AP2B1: variants seen among roughly 807,000 people sequenced by gnomAD.
AP2B1 encodes adaptor related protein complex 2 subunit beta 1.
AP2B1 carries 23 observed loss-of-function variants against 102.0 expected under a neutral mutation model. The observed-to-expected ratio is 0.23, with a 90% CI of 0.16 to 0.32. The LOEUF (loss-of-function observed/expected upper bound fraction) is 0.32. Ranked by LOEUF, AP2B1 falls within the 10% of genes least tolerant of loss-of-function variation. The pLI is 1.00. For synonymous variants in AP2B1, 381 were observed against 421.2 expected (o/e 0.90, Z 1.17); for missense variants, 541 against 1,157.4 (o/e 0.47, Z 7.73).
Position 35,659,767 on chromosome 17 carries a change from C to T in AP2B1, c.1989+1976C>T. 3.1e-6 allele frequency: 3 copies of T among 983,446 alleles called. No individual in the cohort carries two copies. The African/African-American group carries it at 5.2e-5, about 17-fold the overall frequency. 60.9% of individuals were successfully genotyped at this position (983,446 alleles called of 1,614,324 possible). On this transcript the variant is annotated intron_variant, in intron 14 of 21. Coordinates refer to ENST00000610402, the MANE Select transcript of AP2B1 (RefSeq NM_001030006.2). ...AATGGTATCCTTGGTGTTACAGCCC[C>T]AGAAATTGTTTACAGTGCAGTTTTC...
chr17:35,592,512 C>G (rs1426076382), intron 1 of AP2B1, among the ~76,000 whole-genome samples: 2 of 151,920 alleles, frequency 1.3e-5, no homozygotes, highest in Non-Finnish European at 2.9e-5. Flanking sequence ...GCCACCATGC[C>G]TGAGCCACCG....
At chr17:35,609,555 G>A (rs1273649326) in intron 5 of AP2B1, among the ~76,000 whole-genome samples, 1 of 152,110 alleles carries the variant, frequency 6.6e-6, no homozygotes, top group Admixed American at 6.6e-5. Flanking sequence ...CACCGTGTTA[G>A]CCAGGATGGT....
At chr17:35,698,898 T>C (rs1022139650) in intron 18 of AP2B1, among the ~76,000 whole-genome samples, 5 of 152,228 alleles carry the variant, frequency 3.3e-5, no homozygotes, top group African/African-American at 1.2e-4. Context: ...CAAATGGTGA[T>C]TTTGACAGTT....
chr17:35,626,696 G>T lies in AP2B1; in HGVS notation c.792G>T (p.Met264Ile), dbSNP rs2074325238. ...TGCTTTCAGCGGTAAAAGTCCTAAT[G>T]AAGTTTCTAGAATTGTTACCTAAGG... ...AVVLSAVKVL[M>I]KFLELLPKDS... Residue 264 changes from methionine to isoleucine, a missense_variant, in exon 7 of 22, where the codon ATG becomes ATT. Physicochemically the swap from Met to Ile is conservative, Grantham distance 10. Around this residue, in one of 10 missense-constraint regions of AP2B1, gnomAD observed 134 missense variants for 250.2 expected, o/e 0.54. Transcript: ENST00000610402. 6.2e-7 allele frequency: 1 copy of T among 1,613,760 alleles called. No homozygotes were observed. Among genetic ancestry groups the T allele is most frequent in the Non-Finnish European group, 8.5e-7 (1 of 1,179,964 alleles).
chr17:35,663,496 A>G (rs1295573095), intron 14 of AP2B1, among the ~76,000 whole-genome samples: 1 of 152,224 alleles, frequency 6.6e-6, no homozygotes, highest in Non-Finnish European at 1.5e-5. Context: ...ATACTGTCCT[A>G]TGATTTTCCA....
chr17:35,627,350 T>G lies in AP2B1; in HGVS notation c.939-35T>G, dbSNP rs199743749. 3.2e-6 allele frequency: 5 copies of G among 1,551,392 alleles called. No individual in the cohort carries two copies. In the African/African-American group the frequency reaches 7.1e-5, roughly 22 times the overall value. ...TCAGAAGGGTATATCAGTATATGCC[T>G]TCACCTTCCTTTCTTCTGTTTCTGT... On this transcript the variant is annotated intron_variant, in intron 7 of 21. Transcript: ENST00000610402.
Position 35,705,523 on chromosome 17 carries a change from A to T in AP2B1, c.2455-3701A>T, listed in dbSNP as rs183405321. On this transcript the variant is annotated intron_variant, in intron 18 of 21. Coordinates refer to ENST00000610402, the MANE Select transcript of AP2B1 (RefSeq NM_001030006.2). The stretch of plus-strand genomic sequence containing the variant: ...CAGGAGATGGTGAAAGCAGAGTGAA[A>T]TTTTTTTTTTTTATTTGAGATGGAG... 1.5e-3 allele frequency among the ~76,000 whole-genome samples: 226 copies of T among 147,480 alleles called. 2 individuals carry two copies. The highest frequency in any genetic ancestry group is 0.011 in the Middle Eastern group (3 of 278).
At chr17:35,588,225 C>T (rs1453949971) in intron 1 of AP2B1, among the ~76,000 whole-genome samples, 2 of 93,420 alleles carry the variant, frequency 2.1e-5, no homozygotes, top group Non-Finnish European at 3.8e-5. Context: ...GAGTAGTCTT[C>T]TATTGGAGGG....
intron 9 of AP2B1, among the ~76,000 whole-genome samples, 156 bp downstream of exon 9, chr17:35,627,882 C>G (rs542490950): frequency 6.6e-6 from 1 of 152,184 alleles, no homozygotes; most frequent in Non-Finnish European, 1.5e-5. Flanking sequence ...TCTGGTTCCT[C>G]CCTTCCCTAC....
intron 11 of AP2B1, among the ~76,000 whole-genome samples, chr17:35,640,536 C>T (rs1227748452): frequency 6.6e-6 from 1 of 152,172 alleles, no homozygotes; most frequent in Non-Finnish European, 1.5e-5. Context: ...CCTTGCCTGG[C>T]CAGTTTTACT....
At chr17:35,714,166 C>T (rs1025268138) in intron 20 of AP2B1, among the ~76,000 whole-genome samples, 1 of 152,144 alleles carries the variant, frequency 6.6e-6, no homozygotes, top group African/African-American at 2.4e-5. Flanking sequence ...AATATTTGTT[C>T]CAGCATGGGG....
At chr17:35,594,123 A>C (rs374540913) in intron 2 of AP2B1, 56 bp downstream of exon 2, 521 of 1,283,872 alleles carry the variant, frequency 4.1e-4, no homozygotes, top group Non-Finnish European at 5.1e-4. Context: ...GTAGTGTAAG[A>C]TTGCCCCAGG....
At chr17:35,680,686 G>GTTTTTTTTTGTTTTT (rs2075799059) in intron 17 of AP2B1, among the ~76,000 whole-genome samples, 4 of 59,932 alleles carry the variant, frequency 6.7e-5, no homozygotes, top group South Asian at 4.3e-4. Context: ...TATGGTTTTG[G>GTTTTTTTTTGTTTTT]TTTTTTTTTT....
At chr17:35,644,946 C>T (rs746340293) in intron 12 of AP2B1, among the ~76,000 whole-genome samples, 24 of 151,614 alleles carry the variant, frequency 1.6e-4, no homozygotes, top group Non-Finnish European at 2.8e-4. Context: ...GTGGGAGGAT[C>T]GCTTGAGCCC....
intron 17 of AP2B1, among the ~76,000 whole-genome samples, chr17:35,679,653 A>G (rs1159727376): frequency 1.3e-5 from 2 of 151,988 alleles, no homozygotes; most frequent in Non-Finnish European, 2.9e-5. Context: ...TGTTTCCTCT[A>G]TTTCATTTCT....
chr17:35,707,298 A>C (rs1344488866), intron 18 of AP2B1, among the ~76,000 whole-genome samples: 10 of 151,870 alleles, frequency 6.6e-5, no homozygotes. Flanking sequence ...GACTCCAGGC[A>C]TGTGCCACCA....
At chr17:35,605,866 C>T in intron 4 of AP2B1, 26 bp downstream of exon 4, 1 of 1,601,472 alleles carries the variant, frequency 6.2e-7, no homozygotes, top group Admixed American at 1.7e-5. Context: ...GCCTCAATAA[C>T]AGAGTTTGAA....
chr17:35,616,958 A>G (rs767385072), intron 5 of AP2B1, among the ~76,000 whole-genome samples: 1 of 152,176 alleles, frequency 6.6e-6, no homozygotes, highest in African/African-American at 2.4e-5. Flanking sequence ...TAGTGCTTCT[A>G]TCGTAGGATT....
intron 14 of AP2B1, among the ~76,000 whole-genome samples, chr17:35,667,924 G>T (rs895625559): frequency 4.0e-5 from 6 of 149,406 alleles, no homozygotes; most frequent in African/African-American, 7.4e-5. Context: ...GGTTTTCCTC[G>T]CTGCTCAAAT....
Sources: gnomAD v4.1 joint callset for allele counts (sites outside exome capture counted in the v4.1 genomes callset) on GRCh38, gnomAD v4.1.1 for gene constraint, gnomAD v4.1.1 regional missense constraint, MANE v1.5 for transcripts, NCBI Gene and HGNC (gene_info 2026-07-23, HGNC 2026-07-21) for gene names.